Variants in CLECL1 observed in about 807,000 individuals in gnomAD.
CLECL1 encodes the protein C-type lectin-like domain family 1.
downstream of CLECL1, among the ~76,000 whole-genome samples, chr12:9,710,944 GTAC>G (rs1866194678): frequency 6.6e-6 from 1 of 152,152 alleles, no homozygotes; most frequent in African/African-American, 2.4e-5. Flanking sequence ...GATTCTTCCA[GTAC>G]ACCAAGGCAA....
chr12:9,733,017 A>C (rs1866468617), exon 1 of CLECL1: 1 of 1,614,096 alleles, frequency 6.2e-7, no homozygotes, highest in African/African-American at 1.3e-5. Context: ...AGCGTAGACT[A>C]CATCTCCAGC....
At chr12:9,707,276 C>T in the CLECL1 span, among the ~76,000 whole-genome samples, 1 of 152,100 alleles carries the variant, frequency 6.6e-6, no homozygotes, top group South Asian at 2.1e-4. Context: ...AAAGTTCTGG[C>T]AAATCTCACC....
intron 1 of CLECL1, among the ~76,000 whole-genome samples, chr12:9,730,056 T>C (rs775793558): frequency 6.6e-6 from 1 of 152,326 alleles, no homozygotes; most frequent in South Asian, 2.1e-4. Context: ...AATGTATCCA[T>C]TTCCTGTGAT....
downstream of CLECL1, among the ~76,000 whole-genome samples, chr12:9,711,516 A>T (rs867379031): frequency 3.6e-4 from 6 of 16,826 alleles, no homozygotes; most frequent in South Asian, 0.038. Context: ...GTTATTTAAA[A>T]AAAAAAAAAA....
At chr12:9,732,173 C>T (rs1192927756) in intron 1 of CLECL1, among the ~76,000 whole-genome samples, 3 of 151,936 alleles carry the variant, frequency 2.0e-5, no homozygotes, top group Non-Finnish European at 1.5e-5. Flanking sequence ...CTTGGAAATA[C>T]GAACAAAGTA....
At chr12:9,710,987 C>G (rs1866195206), downstream of CLECL1, among the ~76,000 whole-genome samples, 1 of 152,214 alleles carries the variant, frequency 6.6e-6, no homozygotes, top group Admixed American at 6.5e-5. Context: ...GTCCACTGTC[C>G]TTGTGATAAG....
intron 2 of CLECL1, among the ~76,000 whole-genome samples, chr12:9,728,674 A>G (rs78187345): frequency 0.011 from 1,621 of 152,058 alleles, 27 homozygotes; most frequent in African/African-American, 0.033. Flanking sequence ...AACATAATGA[A>G]AAGTAGTATA....
intron 2 of CLECL1, among the ~76,000 whole-genome samples, chr12:9,727,839 A>T (rs973851518): frequency 4.6e-5 from 7 of 151,782 alleles, no homozygotes; most frequent in Admixed American, 3.3e-4. Context: ...CTAGATTTAG[A>T]GTCTCTTTTG....
the CLECL1 span, among the ~76,000 whole-genome samples, chr12:9,710,477 GCTGGCTAGGGCTCCATACCCTGGCTAGTC>G: frequency 6.6e-6 from 1 of 152,128 alleles, no homozygotes; most frequent in East Asian, 1.9e-4. Flanking sequence ...GAAGAACATG[GCTGGCTAGGGCTCCATACCCTGGCTAGTC>G]CTGGCTAGGG....
chr12:9,731,598 G>T (rs1274426787), intron 1 of CLECL1, among the ~76,000 whole-genome samples: 1 of 152,204 alleles, frequency 6.6e-6, no homozygotes, highest in African/African-American at 2.4e-5. Flanking sequence ...AACAAAAGTT[G>T]CGTTTATCTA....
intron 1 of CLECL1, among the ~76,000 whole-genome samples, chr12:9,730,698 C>CT (rs552109203): frequency 0.011 from 1,636 of 148,306 alleles, 12 homozygotes; most frequent in Middle Eastern, 0.063. Flanking sequence ...TTTTTCTTTT[C>CT]TTTTTTTTTT....
At chr12:9,727,821 A>T (rs1164229802) in intron 2 of CLECL1, among the ~76,000 whole-genome samples, 1 of 151,744 alleles carries the variant, frequency 6.6e-6, no homozygotes. Context: ...AAACATAACT[A>T]CTCTTTCCTA....
downstream of CLECL1, among the ~76,000 whole-genome samples, chr12:9,720,952 G>A (rs1052660235): frequency 3.9e-5 from 6 of 152,192 alleles, no homozygotes; most frequent in African/African-American, 1.4e-4. Context: ...TGTCACCATA[G>A]ATTTTGGCCA....
intron 3 of CLECL1, among the ~76,000 whole-genome samples, chr12:9,727,033 GAT>G (rs1261134844): frequency 2.0e-5 from 3 of 151,354 alleles, no homozygotes; most frequent in African/African-American, 7.3e-5. Context: ...GTTATAAAAA[GAT>G]ATATAATATT....
At chr12:9,718,158 G>T (rs1306226639), downstream of CLECL1, among the ~76,000 whole-genome samples, 2 of 151,858 alleles carry the variant, frequency 1.3e-5, no homozygotes, top group Non-Finnish European at 2.9e-5. Context: ...ATTTTATTAT[G>T]ATTTGAGATA....
chr12:9,722,495 T>C (rs1279481197), downstream of CLECL1: 30 of 1,333,128 alleles, frequency 2.3e-5, no homozygotes, highest in Non-Finnish European at 2.8e-5. Flanking sequence ...AAGGTAATCA[T>C]GTAATTCAAC....
At chr12:9,733,082 A>G, upstream of CLECL1, 1 of 1,611,896 alleles carries the variant, frequency 6.2e-7, no homozygotes, top group Non-Finnish European at 8.5e-7. Context: ...CACTGAAGGG[A>G]CAATCATATT....
chr12:9,719,862 G>GA (rs1234305050), downstream of CLECL1, among the ~76,000 whole-genome samples: 4 of 152,228 alleles, frequency 2.6e-5, no homozygotes, highest in Non-Finnish European at 4.4e-5. Flanking sequence ...TTGTTTGCCA[G>GA]AAAAATGTCT....
chr12:9,728,615 A>G (rs769079773), intron 2 of CLECL1, among the ~76,000 whole-genome samples: 2 of 151,886 alleles, frequency 1.3e-5, no homozygotes, highest in African/African-American at 2.4e-5. Context: ...AAAAAAATCT[A>G]TTTTACTAAA....
Sources: allele counts gnomAD v4.1 joint callset (sites outside exome capture counted in the v4.1 genomes callset), GRCh38; gene constraint gnomAD v4.1.1; transcripts MANE v1.5; gene names NCBI Gene and HGNC (gene_info 2026-07-23, HGNC 2026-07-21).